The following CALN1 variants were observed in gnomAD, a reference collection of about 807,000 sequenced individuals.
CALN1 encodes calcium-binding protein 8.
In CALN1, 17 loss-of-function variants were observed where a neutral mutation model predicts 30.6. The ratio of observed to expected loss-of-function variants is 0.56; its 90% CI spans 0.38 to 0.83. CALN1 has a LOEUF of 0.83. CALN1 is among the 40% of genes least tolerant of loss of function. The pLI, the probability that CALN1 is intolerant of heterozygous loss-of-function variation, is 0.00. For synonymous variants in CALN1, 156 were observed against 131.4 expected, an observed-to-expected ratio of 1.19 and a Z score of -1.28; for missense variants, 291 against 354.9, an observed-to-expected ratio of 0.82 and a Z score of 1.45.
intron 4 of CALN1, among the ~76,000 whole-genome samples, chr7:72,054,348 T>G (rs1012397062): frequency 1.3e-5 from 2 of 150,982 alleles, no homozygotes; most frequent in African/African-American, 4.9e-5. Flanking sequence ...TACATTTTTC[T>G]AATGGTCAGT....
chr7:72,385,746 T>C (rs1805173172), intron 2 of CALN1, among the ~76,000 whole-genome samples: 1 of 152,120 alleles, frequency 6.6e-6, no homozygotes, highest in Non-Finnish European at 1.5e-5. Flanking sequence ...TGAGATCGAA[T>C]GGTTTAAAAG....
At chr7:72,082,830 C>T (rs747150041) in intron 4 of CALN1, among the ~76,000 whole-genome samples, 1 of 152,128 alleles carries the variant, frequency 6.6e-6, no homozygotes, top group Non-Finnish European at 1.5e-5. Context: ...TTCTTTGGTG[C>T]GTAGATTTTA....
At chr7:71,998,574 C>CTT (rs61218281) in intron 5 of CALN1, among the ~76,000 whole-genome samples, 8,481 of 142,714 alleles carry the variant, frequency 0.059, 747 homozygotes, top group East Asian at 0.32. Context: ...AACAGATATA[C>CTT]TTTTTTTTTT....
chr7:72,248,946 T>C (rs920472257), intron 3 of CALN1, among the ~76,000 whole-genome samples: 2 of 152,128 alleles, frequency 1.3e-5, no homozygotes, highest in Non-Finnish European at 2.9e-5. Context: ...TGTTCCAAGA[T>C]ATAAGAGAAA....
At chr7:71,965,685 G>C (rs560936936) in intron 5 of CALN1, among the ~76,000 whole-genome samples, 18 of 152,230 alleles carry the variant, frequency 1.2e-4, no homozygotes, top group African/African-American at 4.1e-4. Flanking sequence ...AACTGATATG[G>C]TATATGCACA....
intron 1 of CALN1, among the ~76,000 whole-genome samples, chr7:72,410,442 T>C (rs983773404): frequency 6.6e-6 from 1 of 152,238 alleles, no homozygotes. Context: ...CTACATGATG[T>C]AAAATCAAAG....
chr7:71,824,061 G>A (rs1165776959), intron 5 of CALN1, among the ~76,000 whole-genome samples: 1 of 152,092 alleles, frequency 6.6e-6, no homozygotes, highest in Admixed American at 6.6e-5. Flanking sequence ...TGAGATTTGG[G>A]TGGGGACACA....
chr7:72,249,397 G>A (rs1795397010), intron 3 of CALN1, among the ~76,000 whole-genome samples: 1 of 152,194 alleles, frequency 6.6e-6, no homozygotes, highest in South Asian at 2.1e-4. Flanking sequence ...AGGGCTCAAG[G>A]AAGTCAAGAA....
At chr7:72,310,253 C>T (rs562503315) in intron 2 of CALN1, among the ~76,000 whole-genome samples, 32 of 151,576 alleles carry the variant, frequency 2.1e-4, no homozygotes, top group African/African-American at 7.7e-4. Context: ...CTTAGTTTTG[C>T]CATGGATCAA....
chr7:71,859,985 C>T (rs1321294196), intron 5 of CALN1, among the ~76,000 whole-genome samples: 1 of 152,150 alleles, frequency 6.6e-6, no homozygotes, highest in East Asian at 1.9e-4. Flanking sequence ...AGAACAGGAA[C>T]ATTCCTAGTC....
chr7:72,366,874 T>C (rs2129560094), intron 2 of CALN1, among the ~76,000 whole-genome samples: 2 of 150,922 alleles, frequency 1.3e-5, no homozygotes, highest in Admixed American at 1.3e-4. Flanking sequence ...TGCACTAGAA[T>C]ATTTATAGCA....
In CALN1 at chr7:71,924,002, G is replaced by A. The variant is rs143576270; in HGVS notation, c.501+99655C>T. The stretch of plus-strand genomic sequence containing the variant: ...GAGGTCAGGAGTTCAAGACCATCCT[G>A]GCCAACATGGTGAAACCCCGTCTGA... On this transcript the variant is annotated intron_variant, in intron 5 of 6. Coordinates refer to ENST00000395275, the MANE Select transcript of CALN1 (RefSeq NM_031468.4). Among the ~76,000 whole-genome samples the A allele has an allele frequency of 2.7e-4, 41 of 151,936 alleles. 1 individual carries two copies. In the East Asian group the frequency reaches 5.6e-3, roughly 21 times the overall value.
chr7:72,332,573 A>T (rs2129558188), intron 2 of CALN1, among the ~76,000 whole-genome samples: 1 of 152,054 alleles, frequency 6.6e-6, no homozygotes, highest in African/African-American at 2.4e-5. Context: ...GTTGGTGATC[A>T]TTTACTTCCA....
chr7:72,014,646 C>T (rs950078942), intron 5 of CALN1, among the ~76,000 whole-genome samples: 27 of 152,042 alleles, frequency 1.8e-4, no homozygotes, highest in Admixed American at 1.4e-3. Context: ...CATATTTTTG[C>T]CAGTTTGTTA....
intron 2 of CALN1, among the ~76,000 whole-genome samples, chr7:72,387,513 A>T (rs1347655316): frequency 1.3e-5 from 2 of 152,136 alleles, no homozygotes; most frequent in East Asian, 1.9e-4. Context: ...ATCAAGGTCA[A>T]CATCAACGGT....
upstream of CALN1, among the ~76,000 whole-genome samples, chr7:72,449,874 CAAAAAAAAAA>C (rs71069071): frequency 7.6e-3 from 399 of 52,380 alleles, 1 homozygote; most frequent in African/African-American, 0.018. Context: ...GACTCCGTCT[CAAAAAAAAAA>C]AAAAAAAAAA....
intron 5 of CALN1, among the ~76,000 whole-genome samples, chr7:71,882,850 TTGTGTGTGTG>T (rs34870061): frequency 1.2e-3 from 158 of 131,024 alleles, no homozygotes; most frequent in South Asian, 0.01. Context: ...CCCATCTAAT[TTGTGTGTGTG>T]TGTGTGTGTG....
chr7:72,143,811 G>A (rs1165285314), intron 3 of CALN1, among the ~76,000 whole-genome samples: 1 of 152,196 alleles, frequency 6.6e-6, no homozygotes, highest in East Asian at 1.9e-4. Flanking sequence ...AGAGAGTGGG[G>A]ACCAATATTC....
chr7:72,304,879 G>A (rs546757339), intron 2 of CALN1, among the ~76,000 whole-genome samples: 91 of 152,312 alleles, frequency 6.0e-4, no homozygotes, highest in Middle Eastern at 6.8e-3. Flanking sequence ...TCCACACTTA[G>A]TGACATGGGT....
Sources: gnomAD v4.1 joint callset for allele counts (sites outside exome capture counted in the v4.1 genomes callset) on GRCh38, gnomAD v4.1.1 for gene constraint, MANE v1.5 for transcripts, NCBI Gene and HGNC (gene_info 2026-07-23, HGNC 2026-07-21) for gene names.